RNF149: variants seen among roughly 807,000 people sequenced by gnomAD.
RNF149 encodes ring finger protein 149, also known as E3 ubiquitin-protein ligase RNF149.
In RNF149, 21 loss-of-function variants were observed where a neutral mutation model predicts 39.0. The observed-to-expected ratio is 0.54, with a 90% CI of 0.38 to 0.77. The LOEUF (loss-of-function observed/expected upper bound fraction) is 0.77, where lower values mean the gene tolerates loss of function less well. Among genes scored for constraint, RNF149 ranks in the 30% least tolerant of loss-of-function variants. The probability of loss-of-function intolerance (pLI) is 0.00; values close to 1 mark genes in which losing one functional copy is unlikely to be tolerated. For synonymous variants in RNF149, 209 were observed against 213.6 expected (o/e 0.98, Z 0.19); for missense variants, 493 against 534.9 (o/e 0.92, Z 0.77).
Position 101,308,647 on chromosome 2 carries a change from G to C in RNF149, c.-59C>G, listed in dbSNP as rs768940190. 1.9e-4 allele frequency: 262 copies of C among 1,388,812 alleles called. No individual in the cohort carries two copies. The highest frequency in any genetic ancestry group is 2.4e-4 in the Non-Finnish European group (250 of 1,062,590). The allele number at this position is 1,388,812 out of a possible 1,614,324, so 86.0% of individuals were successfully genotyped here. A position where few individuals can be genotyped will look rare whatever the true frequency, so the allele number is the denominator to read the frequency against. On this transcript the variant is annotated 5_prime_UTR_variant, in exon 1 of 7. Transcript: ENST00000295317. ...GGTCACGCGCGAGTGCGGTGCAGTC[G>C]AAGAGCAGAGAGAAGCGGACACCCA...
chr2:101,294,274 G>C (rs1683135416), intron 2 of RNF149, 192 bp from the exon 3 acceptor site: 1 of 456,866 alleles, frequency 2.2e-6, no homozygotes, highest in Non-Finnish European at 3.9e-6. Context: ...TCATAAAAAA[G>C]CCCCCTAACA....
At chr2:101,286,393 A>G (rs371034904) in intron 4 of RNF149, 40 of 411,836 alleles carry the variant, frequency 9.7e-5, no homozygotes, top group East Asian at 5.3e-4. Flanking sequence ...TACAAAAACC[A>G]TGGCTTATTT....
At chr2:101,307,810 C>T in intron 1 of RNF149, 1 of 985,326 alleles carries the variant, frequency 1.0e-6, no homozygotes, top group Non-Finnish European at 1.2e-6. Context: ...GGAAAAGAGG[C>T]CCATGATTAG....
At chr2:101,294,323 ATGTAACTTTAAGAGG>A in intron 2 of RNF149, 1 of 366,496 alleles carries the variant, frequency 2.7e-6, no homozygotes, top group Non-Finnish European at 5.0e-6. Context: ...GAACAGCCAT[ATGTAACTTTAAGAGG>A]TGTTTCACCA....
At chr2:101,272,185 G>A (rs1682157092), downstream of RNF149, among the ~76,000 whole-genome samples, 1 of 152,090 alleles carries the variant, frequency 6.6e-6, no homozygotes, top group African/African-American at 2.4e-5. Flanking sequence ...ACTTCCAACA[G>A]TACCTGTATA....
intron 1 of RNF149, among the ~76,000 whole-genome samples, chr2:101,302,607 G>A (rs1351506433): frequency 1.3e-5 from 2 of 152,014 alleles, no homozygotes; most frequent in African/African-American, 4.8e-5. Flanking sequence ...CAGACCTTCT[G>A]CCACTCAGAA....
intron 1 of RNF149, among the ~76,000 whole-genome samples, chr2:101,306,361 T>A (rs1232282619): frequency 6.6e-6 from 1 of 152,228 alleles, no homozygotes; most frequent in African/African-American, 2.4e-5. Flanking sequence ...ATAGTATGTA[T>A]GTGGAGTGCT....
intron 2 of RNF149, 62 bp downstream of exon 2, chr2:101,294,869 T>A: frequency 3.1e-6 from 4 of 1,278,270 alleles, no homozygotes; most frequent in Non-Finnish European, 4.5e-6. Flanking sequence ...TCTAGGAATA[T>A]ATATGCGGCA....
At chr2:101,272,550 AAC>A (rs1682167251), downstream of RNF149, among the ~76,000 whole-genome samples, 1 of 152,224 alleles carries the variant, frequency 6.6e-6, no homozygotes, top group Non-Finnish European at 1.5e-5. Context: ...AAGTCACAGA[AAC>A]ACAACACATA....
chr2:101,277,399 T>A lies in RNF149; in HGVS notation c.1160-118A>T, dbSNP rs182781380. The A allele has an allele frequency of 1.6e-3, 2,114 of 1,316,774 alleles. 10 individuals carry two copies. In the African/African-American group the frequency reaches 0.023, roughly 14 times the overall value. 81.6% of individuals were successfully genotyped at this position (1,316,774 alleles called of 1,614,324 possible). ...TCAAGATGGTAAACAGAAAAAAAAA[T>A]TTTTTTTGAGACGGAGTCTTGTTCT... On this transcript the variant is annotated intron_variant, in intron 6 of 6. Transcript: ENST00000295317.
chr2:101,305,409 A>G (rs559467660), intron 1 of RNF149, among the ~76,000 whole-genome samples: 1 of 152,246 alleles, frequency 6.6e-6, no homozygotes, highest in Non-Finnish European at 1.5e-5. Flanking sequence ...TGGCCCTTAT[A>G]TTTCTACTTA....
chr2:101,280,982 T>C (rs1178932717), intron 6 of RNF149, among the ~76,000 whole-genome samples: 1 of 152,130 alleles, frequency 6.6e-6, no homozygotes, highest in Non-Finnish European at 1.5e-5. Context: ...TGCAGTGAGC[T>C]GTGTTCTCAT....
At chr2:101,301,331 A>ATT (rs774242125) in intron 1 of RNF149, among the ~76,000 whole-genome samples, 17 of 145,496 alleles carry the variant, frequency 1.2e-4, no homozygotes, top group African/African-American at 3.0e-4. Context: ...ACAAATATAG[A>ATT]TTTTTTTTTT....
rs546620796 is a variant in RNF149 at position 101,308,289 on chromosome 2, C to T, written c.300G>A (p.Glu100=). The T allele has an allele frequency of 6.3e-7, 1 of 1,578,706 alleles. No homozygotes were observed. The highest frequency in any genetic ancestry group is 1.1e-5 in the South Asian group (1 of 88,358). ...AGGGCGCGGCCCCTCGGCCGCCGGG[C>T]TCGGGCACGAAGAAGCGCGTGTCGG... ...CAPDTRFFVP[E]PGGRGAAPWV... The change falls in exon 1 of 7, where the codon GAG becomes GAA. Residue 100 remains glutamate, a synonymous_variant. Transcript: ENST00000295317.
intron 2 of RNF149, 138 bp downstream of exon 2, chr2:101,294,793 T>C: frequency 2.7e-6 from 2 of 748,738 alleles, no homozygotes; most frequent in Non-Finnish European, 2.1e-6. Flanking sequence ...AAAAGTTACT[T>C]CCAAAAAGTC....
Position 101,276,103 on chromosome 2 carries a change from CATTT to C in RNF149, c.*1131_*1134del. ...AATTTTAAAAATTGTTTTAAATAAACATTTATTTTTACCTACAAAGTAAAGATAT... is the reference window on the plus strand; with the variant it reads ...AATTTTAAAAATTGTTTTAAATAAACATTTTTACCTACAAAGTAAAGATAT... On this transcript the variant is annotated 3_prime_UTR_variant, in exon 7 of 7. Coordinates refer to ENST00000295317, the MANE Select transcript of RNF149 (RefSeq NM_173647.4). The C allele has an allele frequency of 3.3e-6, 3 of 902,296 alleles. No homozygotes were observed. Among genetic ancestry groups the C allele is most frequent in the Non-Finnish European group, 4.0e-6 (3 of 754,298 alleles). The allele number at this position is 902,296 out of a possible 1,614,324, so 55.9% of individuals were successfully genotyped here.
downstream of RNF149, among the ~76,000 whole-genome samples, chr2:101,275,243 G>A (rs1285189508): frequency 1.4e-5 from 2 of 142,978 alleles, no homozygotes; most frequent in Non-Finnish European, 3.0e-5. Flanking sequence ...TCAGCCTCCT[G>A]AGTAGCTGGG....
At chr2:101,305,727 A>G (rs1442165038) in intron 1 of RNF149, among the ~76,000 whole-genome samples, 1 of 152,200 alleles carries the variant, frequency 6.6e-6, no homozygotes, top group East Asian at 1.9e-4. Context: ...AGGGAGAGGG[A>G]GAGGAGGGGG....
downstream of RNF149, among the ~76,000 whole-genome samples, chr2:101,274,952 AATTTTGTATTTTT>A (rs1305775229): frequency 6.7e-6 from 1 of 149,004 alleles, no homozygotes; most frequent in Non-Finnish European, 1.5e-5. Flanking sequence ...ATGCCTGGCT[AATTTTGTATTTTT>A]TTTTTTTTAA....
Sources: allele counts gnomAD v4.1 joint callset (sites outside exome capture counted in the v4.1 genomes callset), GRCh38; gene constraint gnomAD v4.1.1; transcripts MANE v1.5; gene names NCBI Gene and HGNC (gene_info 2026-07-23, HGNC 2026-07-21).